The following CNTN5 variants were observed in gnomAD, a reference collection of about 807,000 sequenced individuals.
CNTN5 encodes contactin 5, also known as contactin-5.
CNTN5 carries 77 observed loss-of-function variants against 129.1 expected under a neutral mutation model. The ratio of observed to expected loss-of-function variants is 0.60; its 90% CI spans 0.50 to 0.72. CNTN5 has a LOEUF of 0.72. Ranked by LOEUF, CNTN5 falls within the 30% of genes least tolerant of loss-of-function variation. The pLI is 0.00. For synonymous variants in CNTN5, 509 were observed against 465.6 expected (o/e 1.09, Z -1.20); for missense variants, 1,478 against 1,328.8 (o/e 1.11, Z -1.75).
chr11:100,230,758 G>A (rs1205125601), intron 16 of CNTN5, among the ~76,000 whole-genome samples: 1 of 152,186 alleles, frequency 6.6e-6, no homozygotes, highest in East Asian at 1.9e-4. Context: ...TCAACTGACT[G>A]AGACATTCTC....
At chr11:99,463,915 G>C (rs1000960665) in intron 2 of CNTN5, among the ~76,000 whole-genome samples, 2 of 152,106 alleles carry the variant, frequency 1.3e-5, no homozygotes, top group East Asian at 3.9e-4. Flanking sequence ...GAAGATTATT[G>C]ATTTTTCTGA....
chr11:100,244,754 T>C (rs934109597), intron 16 of CNTN5, among the ~76,000 whole-genome samples: 2 of 152,192 alleles, frequency 1.3e-5, no homozygotes, highest in Non-Finnish European at 2.9e-5. Flanking sequence ...CATTATCCTA[T>C]TGGAAAATTT....
chr11:99,970,862 G>A (rs929424146), intron 8 of CNTN5, among the ~76,000 whole-genome samples: 1 of 152,060 alleles, frequency 6.6e-6, no homozygotes, highest in South Asian at 2.1e-4. Context: ...TCCATTACTT[G>A]CCTTCAATAG....
At chr11:100,306,226 G>A (rs1951346310) in intron 20 of CNTN5, among the ~76,000 whole-genome samples, 1 of 151,612 alleles carries the variant, frequency 6.6e-6, no homozygotes, top group African/African-American at 2.4e-5. Flanking sequence ...TTAAATAAAA[G>A]TTAAGGTGCT....
chr11:99,087,457 T>C (rs1272474202), intron 1 of CNTN5, among the ~76,000 whole-genome samples: 1 of 152,214 alleles, frequency 6.6e-6, no homozygotes, highest in Non-Finnish European at 1.5e-5. Flanking sequence ...ACTGAGATTT[T>C]TGTGATAAAC....
intron 23 of CNTN5, among the ~76,000 whole-genome samples, chr11:100,344,738 T>G: frequency 6.6e-6 from 1 of 152,106 alleles, no homozygotes; most frequent in Non-Finnish European, 1.5e-5. Context: ...ATGTATCAAA[T>G]TATCATATTA....
At chr11:99,971,152 T>C (rs1313745354) in intron 8 of CNTN5, among the ~76,000 whole-genome samples, 1 of 152,200 alleles carries the variant, frequency 6.6e-6, no homozygotes, top group Non-Finnish European at 1.5e-5. Context: ...GATATCTCCA[T>C]GCAAATCGTA....
intron 7 of CNTN5, among the ~76,000 whole-genome samples, chr11:99,918,709 G>T (rs1231493433): frequency 6.6e-6 from 1 of 152,152 alleles, no homozygotes; most frequent in East Asian, 1.9e-4. Flanking sequence ...TAGAGTATAA[G>T]TCAGATACAA....
intron 21 of CNTN5, among the ~76,000 whole-genome samples, chr11:100,320,253 G>A (rs761112775): frequency 6.6e-6 from 1 of 152,110 alleles, no homozygotes; most frequent in Non-Finnish European, 1.5e-5. Context: ...TGTATGCAGT[G>A]ATATCTCATT....
chr11:100,038,681 G>T (rs1336760025), intron 9 of CNTN5, among the ~76,000 whole-genome samples: 1 of 151,864 alleles, frequency 6.6e-6, no homozygotes, highest in Non-Finnish European at 1.5e-5. Context: ...ATTTAGGATA[G>T]TTAGCTCTTC....
intron 6 of CNTN5, among the ~76,000 whole-genome samples, chr11:99,857,007 TCC>T (rs1233823449): frequency 2.0e-5 from 3 of 149,208 alleles, no homozygotes; most frequent in Non-Finnish European, 3.0e-5. Flanking sequence ...CTTCCCTCCT[TCC>T]CTCTCTCTCT....
At chr11:100,058,694 G>A (rs79835915) in intron 9 of CNTN5, among the ~76,000 whole-genome samples, 4 of 152,032 alleles carry the variant, frequency 2.6e-5, no homozygotes, top group South Asian at 2.1e-4. Context: ...TCGAAGATAC[G>A]TAAGGATGTT....
At chr11:99,763,041 G>T (rs1489685660) in intron 3 of CNTN5, among the ~76,000 whole-genome samples, 1 of 151,952 alleles carries the variant, frequency 6.6e-6, no homozygotes, top group Admixed American at 6.6e-5. Flanking sequence ...AAATTTTATT[G>T]ATCCATGTAT....
chr11:99,903,568 C>G (rs1371277312), intron 6 of CNTN5, among the ~76,000 whole-genome samples: 4 of 152,192 alleles, frequency 2.6e-5, no homozygotes, highest in Admixed American at 2.0e-4. Flanking sequence ...ACTGTGTCAT[C>G]TAGAGGGGCT....
At chr11:99,241,192 T>G (rs980062726) in intron 1 of CNTN5, among the ~76,000 whole-genome samples, 1 of 152,174 alleles carries the variant, frequency 6.6e-6, no homozygotes, top group Non-Finnish European at 1.5e-5. Flanking sequence ...CATGCATCCT[T>G]AGCAATTTAT....
intron 6 of CNTN5, among the ~76,000 whole-genome samples, chr11:99,914,353 A>G (rs1312924589): frequency 6.6e-6 from 1 of 152,032 alleles, no homozygotes; most frequent in Non-Finnish European, 1.5e-5. Flanking sequence ...TCATATTAAG[A>G]TCATTTTTTG....
In CNTN5 at chr11:100,307,539, G is replaced by A. The variant is rs529508030; in HGVS notation, c.2621-820G>A. Reference sequence around the variant, plus strand: ...TTCAAAAAAAAAAAATAGTGTGAAAGGTCACTGAATGTAGAAACAAATGAA... The same window carrying A: ...TTCAAAAAAAAAAAATAGTGTGAAAAGTCACTGAATGTAGAAACAAATGAA... On this transcript the variant is annotated intron_variant, in intron 20 of 24. Transcript: ENST00000524871. 2.6e-5 allele frequency among the ~76,000 whole-genome samples: 4 copies of A among 151,656 alleles called. No individual in the cohort carries two copies. The East Asian group carries it at 7.8e-4, about 30-fold the overall frequency.
At chr11:99,731,056 G>T (rs1943515252) in intron 3 of CNTN5, among the ~76,000 whole-genome samples, 1 of 151,986 alleles carries the variant, frequency 6.6e-6, no homozygotes, top group Non-Finnish European at 1.5e-5. Flanking sequence ...AACTTAGAAA[G>T]ATTACAAAAC....
At chr11:100,231,976 A>G (rs1197967217) in intron 16 of CNTN5, among the ~76,000 whole-genome samples, 2 of 152,142 alleles carry the variant, frequency 1.3e-5, no homozygotes, top group African/African-American at 4.8e-5. Context: ...CAACATGGGG[A>G]AACCCTGTCT....
Sources: gnomAD v4.1 joint callset for allele counts (sites outside exome capture counted in the v4.1 genomes callset) on GRCh38, gnomAD v4.1.1 for gene constraint, MANE v1.5 for transcripts, NCBI Gene and HGNC (gene_info 2026-07-23, HGNC 2026-07-21) for gene names.